Variants in SHANK2 observed in about 807,000 individuals in gnomAD.
The protein encoded by SHANK2 is SH3 and multiple ankyrin repeat domains 2.
SHANK2 carries 43 observed loss-of-function variants against 133.7 expected under a neutral mutation model. The observed-to-expected ratio is 0.32, with a 90% CI of 0.25 to 0.41. SHANK2 has a LOEUF of 0.41. SHANK2 is among the 10% of genes least tolerant of loss of function. The pLI is 1.00. For missense variants in SHANK2, 1,994 were observed against 2,235.8 expected, an observed-to-expected ratio of 0.89 and a Z score of 2.18; for synonymous variants, 1,017 against 952.8, an observed-to-expected ratio of 1.07 and a Z score of -1.24.
intron 10 of SHANK2, among the ~76,000 whole-genome samples, chr11:70,917,593 T>C (rs782057176): frequency 3.4e-4 from 52 of 152,186 alleles, no homozygotes; most frequent in African/African-American, 1.2e-3. Context: ...AGCAATGACA[T>C]GGAGTCATCC....
intron 2 of SHANK2, among the ~76,000 whole-genome samples, chr11:71,210,285 G>C (rs1399776582): frequency 2.3e-5 from 3 of 128,226 alleles, no homozygotes; most frequent in Non-Finnish European, 4.9e-5. Context: ...GTCTCTCTCT[G>C]TCGCCCAGGC....
At chr11:70,771,309 G>A (rs1947245240) in intron 14 of SHANK2, among the ~76,000 whole-genome samples, 1 of 152,188 alleles carries the variant, frequency 6.6e-6, no homozygotes, top group Non-Finnish European at 1.5e-5. Context: ...CAGAGACATG[G>A]AGGGCCAGGC....
At chr11:71,218,408 T>C (rs1281116804) in intron 2 of SHANK2, among the ~76,000 whole-genome samples, 3 of 151,070 alleles carry the variant, frequency 2.0e-5, no homozygotes, top group Non-Finnish European at 4.4e-5. Flanking sequence ...GGACTACAGG[T>C]ATGTGCCACC....
intron 11 of SHANK2, among the ~76,000 whole-genome samples, chr11:70,849,173 G>T (rs1949046559): frequency 6.6e-6 from 1 of 152,208 alleles, no homozygotes; most frequent in African/African-American, 2.4e-5. Context: ...CATAGGCAGG[G>T]TGTGAGGATG....
At chr11:70,930,878 G>A (rs1950494876) in intron 10 of SHANK2, among the ~76,000 whole-genome samples, 1 of 150,792 alleles carries the variant, frequency 6.6e-6, no homozygotes, top group African/African-American at 2.4e-5. Flanking sequence ...TTTTGCCTGG[G>A]GTAGTCTGGG....
rs529431437 is a variant in SHANK2 at position 70,580,189 on chromosome 11, C to T, written c.2062-77258G>A. Among the ~76,000 whole-genome samples the T allele has an allele frequency of 5.3e-5, 8 of 152,348 alleles. No individual in the cohort carries two copies. The South Asian group carries it at 6.2e-4, about 12-fold the overall frequency. On this transcript the variant is annotated intron_variant, in intron 17 of 25. Coordinates refer to ENST00000601538, the MANE Select transcript of SHANK2 (RefSeq NM_012309.5). ...GCCGTGGACATCCACCAGGCTGCTG[C>T]GAAGGGACACTTTGCAGACCAGCCC...
intron 17 of SHANK2, among the ~76,000 whole-genome samples, chr11:70,511,676 A>C (rs1451424314): frequency 6.6e-6 from 1 of 152,198 alleles, no homozygotes; most frequent in African/African-American, 2.4e-5. Flanking sequence ...ACTCCAAAAA[A>C]AGAGTAATGT....
At chr11:70,635,579 T>C (rs2061064360) in intron 17 of SHANK2, 2 of 151,570 alleles carry the variant, frequency 1.3e-5, no homozygotes, top group Admixed American at 1.3e-4. Context: ...GGGATGAGTG[T>C]TAATAGGGAA....
chr11:70,768,192 T>C (rs76779936), intron 14 of SHANK2, among the ~76,000 whole-genome samples: 1,577 of 152,142 alleles, frequency 0.01, 24 homozygotes, highest in African/African-American at 0.036. Flanking sequence ...TAGATGTGAG[T>C]TCCCTCCCTG....
chr11:70,649,469 T>C (rs957066158), intron 17 of SHANK2, among the ~76,000 whole-genome samples: 7 of 152,120 alleles, frequency 4.6e-5, no homozygotes, highest in Non-Finnish European at 1.0e-4. Flanking sequence ...ACAAACTCCA[T>C]CAATTAAAAG....
chr11:70,906,184 G>T (rs1555077921), intron 10 of SHANK2, among the ~76,000 whole-genome samples: 2 of 152,230 alleles, frequency 1.3e-5, no homozygotes, highest in African/African-American at 4.8e-5. Flanking sequence ...ACCCAGGCCA[G>T]CCCCAGGCTC....
intron 13 of SHANK2, among the ~76,000 whole-genome samples, chr11:70,798,799 C>A (rs1355501635): frequency 6.6e-6 from 1 of 152,216 alleles, no homozygotes; most frequent in Non-Finnish European, 1.5e-5. Context: ...AGGAATGAAG[C>A]ACTGACATGT....
chr11:70,701,057 G>A (rs1007371778), intron 14 of SHANK2, among the ~76,000 whole-genome samples: 2 of 152,206 alleles, frequency 1.3e-5, no homozygotes, highest in Non-Finnish European at 2.9e-5. Flanking sequence ...GGCTGTCTAG[G>A]GAACTGCTGG....
intron 14 of SHANK2, among the ~76,000 whole-genome samples, chr11:70,708,287 C>T (rs532300980): frequency 9.9e-5 from 15 of 152,194 alleles, no homozygotes; most frequent in Admixed American, 7.2e-4. Flanking sequence ...CCATTTCTCC[C>T]GATGGACTGC....
chr11:70,628,055 C>T (rs1591669341), intron 17 of SHANK2, among the ~76,000 whole-genome samples: 2 of 152,140 alleles, frequency 1.3e-5, no homozygotes, highest in African/African-American at 4.8e-5. Flanking sequence ...GGCCTTCCAG[C>T]TTCAAGCGAT....
chr11:71,247,888 G>A (rs1555125246), intron 1 of SHANK2, among the ~76,000 whole-genome samples: 1 of 152,214 alleles, frequency 6.6e-6, no homozygotes, highest in Admixed American at 6.5e-5. Flanking sequence ...CTGGTGCAGT[G>A]CCGGGTTTGG....
intron 10 of SHANK2, among the ~76,000 whole-genome samples, chr11:70,908,264 G>C (rs1565399020): frequency 6.6e-6 from 1 of 152,200 alleles, no homozygotes. Context: ...TTTAAGTGGA[G>C]GGTCAGCCTG....
chr11:70,809,654 G>A (rs150018020), intron 12 of SHANK2, among the ~76,000 whole-genome samples: 1 of 152,304 alleles, frequency 6.6e-6, no homozygotes, highest in African/African-American at 2.4e-5. Flanking sequence ...CATGTACTCC[G>A]ATTACTCTGT....
chr11:70,706,303 C>T (rs1368663377), intron 14 of SHANK2, among the ~76,000 whole-genome samples: 1 of 152,208 alleles, frequency 6.6e-6, no homozygotes, highest in Non-Finnish European at 1.5e-5. Flanking sequence ...GCATAGCGGG[C>T]ACTCAGTAAC....
Sources: allele counts gnomAD v4.1 joint callset (sites outside exome capture counted in the v4.1 genomes callset), GRCh38; gene constraint gnomAD v4.1.1; transcripts MANE v1.5; gene names NCBI Gene and HGNC (gene_info 2026-07-23, HGNC 2026-07-21).